Variants in CDH23 observed in about 807,000 individuals in gnomAD.
CDH23 encodes cadherin-23.
In CDH23, 189 loss-of-function variants were observed where a neutral mutation model predicts 317.1. The ratio of observed to expected loss-of-function variants is 0.60; its 90% CI spans 0.53 to 0.67. The LOEUF is 0.67. Among genes scored for constraint, CDH23 ranks in the 30% least tolerant of loss-of-function variants. The pLI is 0.00. For missense variants in CDH23, 4,401 were observed against 4,592.4 expected (o/e 0.96, Z 1.20); for synonymous variants, 1,839 against 1,876.8 (o/e 0.98, Z 0.52).
In CDH23 at chr10:71,432,596, T is replaced by C. The variant is rs184316226; in HGVS notation, c.-5-7231T>C. On this transcript the variant is annotated intron_variant, in intron 1 of 69. Transcript: ENST00000224721. The stretch of plus-strand genomic sequence containing the variant: ...TTCTTTCACACTGTTGGTCCTCACC[T>C]GGGGAAAGGAGAACCCTCAGTATGG... 5.9e-5 allele frequency among the ~76,000 whole-genome samples: 9 copies of C among 152,250 alleles called. No homozygotes were observed. The East Asian group carries it at 1.7e-3, about 29-fold the overall frequency.
intron 31 of CDH23, 33 bp downstream of exon 31, chr10:71,730,637 T>C (rs1444351463): frequency 2.5e-6 from 4 of 1,612,052 alleles, no homozygotes; most frequent in East Asian, 2.2e-5. Flanking sequence ...GGGGATCCCA[T>C]TGCTCAGAGC....
intron 6 of CDH23, among the ~76,000 whole-genome samples, chr10:71,526,457 G>A (rs1481831360): frequency 6.6e-6 from 1 of 152,194 alleles, no homozygotes; most frequent in Admixed American, 6.5e-5. Context: ...CCAAAAGATG[G>A]AAAAGGGCTG....
At chr10:71,725,620 CA>C in intron 30 of CDH23, 100 bp downstream of exon 30, 1 of 1,366,110 alleles carries the variant, frequency 7.3e-7, no homozygotes, top group Non-Finnish European at 9.9e-7. Context: ...TGGGCAGGGC[CA>C]CCACTGATTT....
intron 3 of CDH23, among the ~76,000 whole-genome samples, chr10:71,448,843 A>G (rs940795891): frequency 3.3e-5 from 5 of 152,032 alleles, no homozygotes; most frequent in African/African-American, 9.7e-5. Context: ...ATGGACTCAC[A>G]TGGACGTGTG....
At chr10:71,800,548 G>C (rs1841529562) in intron 52 of CDH23, 88 bp from the exon 53 acceptor site, 2 of 1,440,820 alleles carry the variant, frequency 1.4e-6, no homozygotes, top group African/African-American at 2.8e-5. Flanking sequence ...CAAATCTCCA[G>C]AGCCCATAAC....
chr10:71,799,732 G>C, intron 52 of CDH23, 103 bp downstream of exon 52: 5 of 1,493,770 alleles, frequency 3.3e-6, no homozygotes, highest in Non-Finnish European at 4.6e-6. Flanking sequence ...GGGTCTTGTC[G>C]CCTGGACATC....
intron 1 of CDH23, among the ~76,000 whole-genome samples, chr10:71,417,480 C>T (rs533580728): frequency 2.2e-4 from 34 of 152,320 alleles, no homozygotes; most frequent in South Asian, 1.2e-3. Flanking sequence ...AAAAGATTTT[C>T]GGTCATTTTA....
chr10:71,652,334 G>A (rs541838472), intron 14 of CDH23, among the ~76,000 whole-genome samples: 1 of 152,354 alleles, frequency 6.6e-6, no homozygotes, highest in Admixed American at 6.5e-5. Context: ...GTCTTACTAT[G>A]AGCTGGTCAC....
intron 19 of CDH23, among the ~76,000 whole-genome samples, chr10:71,689,081 G>C (rs1217890265): frequency 1.8e-3 from 226 of 122,594 alleles, no homozygotes; most frequent in East Asian, 0.013. Context: ...GTGGAGCCAG[G>C]GGTGGTGGAG....
intron 6 of CDH23, among the ~76,000 whole-genome samples, chr10:71,519,321 C>T (rs995213567): frequency 2.6e-5 from 4 of 152,220 alleles, no homozygotes; most frequent in South Asian, 2.1e-4. Flanking sequence ...CTGTCAGCCT[C>T]GCACGCTGAG....
intron 6 of CDH23, among the ~76,000 whole-genome samples, chr10:71,530,866 C>T (rs992360311): frequency 5.9e-5 from 9 of 152,230 alleles, no homozygotes; most frequent in African/African-American, 1.9e-4. Flanking sequence ...CTCATTCACT[C>T]TTCCCATCAT....
chr10:71,604,459 G>T (rs1215358882), intron 9 of CDH23, among the ~76,000 whole-genome samples: 1 of 152,056 alleles, frequency 6.6e-6, no homozygotes, highest in Non-Finnish European at 1.5e-5. Flanking sequence ...TTTTCTCTCT[G>T]CCATCACCCA....
At position 71,421,270 on chromosome 10, in the gene CDH23, C is replaced by T. The variant is rs540887724; in HGVS notation, c.-5-18557C>T. ...GAGCGGTTCCACTCCTGCTCCCTGC[C>T]CAGCCCTCTGCCTTCTGCCACCATG... On this transcript the variant is annotated intron_variant, in intron 1 of 69. Transcript: ENST00000224721. Among the ~76,000 whole-genome samples the T allele has an allele frequency of 5.3e-4, 81 of 152,332 alleles. 1 individual carries two copies. Among genetic ancestry groups the T allele is most frequent in the Admixed American group, 2.0e-3 (31 of 15,302 alleles).
rs1490896300 is a variant in CDH23, at chr10:71,759,948, T to C, written c.4846-17732T>C. The stretch of plus-strand genomic sequence containing the variant: ...ACACACACATATATACACACACACA[T>C]ATATATACACACACATATATATACA... On this transcript the variant is annotated intron_variant, in intron 38 of 69. Coordinates refer to ENST00000224721, the MANE Select transcript of CDH23 (RefSeq NM_022124.6). Among the ~76,000 whole-genome samples, 24 of 63,330 alleles carry C rather than the reference T, an allele frequency of 3.8e-4. 1 individual carries two copies. The highest frequency in any genetic ancestry group is 4.8e-4 in the Non-Finnish European group (12 of 24,852). The allele number at this position is 63,330 out of a possible 152,430, so 41.5% of individuals were successfully genotyped here.
At chr10:71,501,264 A>G (rs2132169195) in intron 3 of CDH23, among the ~76,000 whole-genome samples, 1 of 152,318 alleles carries the variant, frequency 6.6e-6, no homozygotes, top group South Asian at 2.1e-4. Flanking sequence ...AATGAAAACC[A>G]TTGAGTGTGG....
rs562019725 is a variant in CDH23, at chr10:71,677,562, G to A, written c.1621G>A (p.Glu541Lys). Residue 541 changes from glutamate (E) to lysine (K), a missense_variant, in exon 16 of 70, where the codon GAG becomes AAG. Glu to Lys is a moderately conservative substitution (Grantham distance 56, BLOSUM62 1). Around this residue, in one of 3 missense-constraint regions of CDH23, gnomAD observed 3,068 missense variants for 3,203.3 expected, o/e 0.96. Coordinates refer to ENST00000224721, the MANE Select transcript of CDH23 (RefSeq NM_022124.6). ...GATCATTGCCCGGGACGGGGGCGGC[G>A]AGGAGACCACAGGCCGGGTCAGGAT... is the stretch of plus-strand genomic sequence containing the variant. ...LTIIARDGGG[E>K]ETTGRVRINV... The A allele has an allele frequency of 3.0e-4, 480 of 1,611,454 alleles. No individual in the cohort carries two copies. The highest frequency in any genetic ancestry group is 3.9e-4 in the Non-Finnish European group (454 of 1,179,160).
chr10:71,781,858 A>G (rs1035475128), intron 41 of CDH23, among the ~76,000 whole-genome samples: 1 of 152,224 alleles, frequency 6.6e-6, no homozygotes, highest in Non-Finnish European at 1.5e-5. Context: ...ATGAAGGCCC[A>G]GAGAGGTGAG....
At chr10:71,764,779 A>G (rs1403952934) in intron 38 of CDH23, among the ~76,000 whole-genome samples, 1 of 152,144 alleles carries the variant, frequency 6.6e-6, no homozygotes, top group Non-Finnish European at 1.5e-5. Context: ...GCTAGCTGGC[A>G]TGGGACTCTA....
intron 32 of CDH23, among the ~76,000 whole-genome samples, chr10:71,733,263 G>A (rs1217302112): frequency 2.0e-5 from 3 of 152,156 alleles, no homozygotes; most frequent in Non-Finnish European, 4.4e-5. Flanking sequence ...CCAGAGCTTC[G>A]GTGCCCTCCT....
Sources: gnomAD v4.1 joint callset for allele counts (sites outside exome capture counted in the v4.1 genomes callset) on GRCh38, gnomAD v4.1.1 for gene constraint, gnomAD v4.1.1 regional missense constraint, MANE v1.5 for transcripts, NCBI Gene and HGNC (gene_info 2026-07-23, HGNC 2026-07-21) for gene names.